Variants in CFAP20DC observed in about 807,000 individuals in gnomAD.
The protein encoded by CFAP20DC is protein CFAP20DC.
Under a neutral mutation model 101.7 loss-of-function variants are expected in CFAP20DC, and 84 were observed. That is an observed-to-expected ratio of 0.83 (90% CI 0.69 to 0.99). The LOEUF is 0.99. CFAP20DC is among the 50% of genes least tolerant of loss of function. The pLI is 0.00. For synonymous variants in CFAP20DC, 359 were observed against 351.2 expected (o/e 1.02, Z -0.25); for missense variants, 1,007 against 970.3 (o/e 1.04, Z -0.50).
intron 4 of CFAP20DC, among the ~76,000 whole-genome samples, chr3:58,947,292 C>A: frequency 6.6e-6 from 1 of 152,198 alleles, no homozygotes; most frequent in East Asian, 1.9e-4. Flanking sequence ...CTGGCAAATG[C>A]ACCAGTGGTA....
chr3:58,739,423 T>C (rs1453816408), downstream of CFAP20DC, among the ~76,000 whole-genome samples: 1 of 152,208 alleles, frequency 6.6e-6, no homozygotes, highest in Non-Finnish European at 1.5e-5. Flanking sequence ...TTTTTTTTAG[T>C]CTCCATTTGC....
At position 58,717,535 on chromosome 3, in the gene CFAP20DC, G is replaced by C. The variant is rs2067413596; in HGVS notation, c.*53C>G. ...TATAGATGCTCAAGGAAGAAGTGAG[G>C]ACCCACACTTCCAGGTTCTTGTCCT... is the stretch of plus-strand genomic sequence containing the variant. On this transcript the variant is annotated 3_prime_UTR_variant, in exon 4 of 4. Transcript: ENST00000486145. The surrounding 1 kb of genome is among the most constrained non-coding windows in gnomAD (Gnocchi z 4.1). 1 of 429,768 alleles carries C rather than the reference G, an allele frequency of 2.3e-6. No individual in the cohort carries two copies. Among genetic ancestry groups the C allele is most frequent in the Non-Finnish European group, 4.6e-6 (1 of 217,906 alleles). The allele number at this position is 429,768 out of a possible 1,614,324, so 26.6% of individuals were successfully genotyped here.
chr3:58,951,711 A>T (rs1249925844), intron 4 of CFAP20DC, among the ~76,000 whole-genome samples: 1 of 151,988 alleles, frequency 6.6e-6, no homozygotes, highest in Non-Finnish European at 1.5e-5. Context: ...GAACAATGAG[A>T]TCACATGGAC....
At chr3:59,045,216 T>C (rs1699753306) in intron 3 of CFAP20DC, among the ~76,000 whole-genome samples, 1 of 152,034 alleles carries the variant, frequency 6.6e-6, no homozygotes, top group South Asian at 2.1e-4. Context: ...AATATGCATG[T>C]AGTAGCTTGA....
intron 4 of CFAP20DC, among the ~76,000 whole-genome samples, chr3:58,980,544 G>T (rs2092487746): frequency 6.6e-6 from 1 of 152,122 alleles, no homozygotes; most frequent in Non-Finnish European, 1.5e-5. Flanking sequence ...TGCAAGGCTG[G>T]TTCAATATAC....
intron 4 of CFAP20DC, among the ~76,000 whole-genome samples, chr3:59,021,249 A>T (rs1384484146): frequency 6.6e-6 from 1 of 152,142 alleles, no homozygotes; most frequent in Non-Finnish European, 1.5e-5. Context: ...AGTATCATTA[A>T]GACAACCTTA....
intron 5 of CFAP20DC, among the ~76,000 whole-genome samples, chr3:58,921,789 A>G (rs1205496647): frequency 6.6e-6 from 1 of 152,136 alleles, no homozygotes; most frequent in Non-Finnish European, 1.5e-5. Context: ...ATTTCTGAGG[A>G]AGGAGTCTTG....
At chr3:58,806,726 G>T (rs1328047706) in intron 14 of CFAP20DC, among the ~76,000 whole-genome samples, 1 of 152,230 alleles carries the variant, frequency 6.6e-6, no homozygotes, top group African/African-American at 2.4e-5. Flanking sequence ...GCAGGACAGT[G>T]GGTGCAGCGC....
At chr3:58,743,153 G>A (rs937577771) in intron 16 of CFAP20DC, among the ~76,000 whole-genome samples, 8 of 152,104 alleles carry the variant, frequency 5.3e-5, no homozygotes, top group African/African-American at 1.9e-4. Context: ...CAGTGTTTTG[G>A]GGATAGAACA....
chr3:58,940,289 G>T (rs2088354712), intron 4 of CFAP20DC, among the ~76,000 whole-genome samples: 1 of 152,326 alleles, frequency 6.6e-6, no homozygotes, highest in South Asian at 2.1e-4. Flanking sequence ...GCAAAAGGCA[G>T]GTGAATTTTC....
chr3:58,962,670 C>T (rs534773350), intron 4 of CFAP20DC, among the ~76,000 whole-genome samples: 1 of 152,228 alleles, frequency 6.6e-6, no homozygotes, highest in African/African-American at 2.4e-5. Flanking sequence ...ATCTATGCAT[C>T]GATTATGGGA....
chr3:58,804,563 A>C (rs1431201237), intron 15 of CFAP20DC, among the ~76,000 whole-genome samples: 1 of 152,044 alleles, frequency 6.6e-6, no homozygotes, highest in Non-Finnish European at 1.5e-5. Flanking sequence ...TGGTTTCACC[A>C]TGTTGGCTAG....
intron 16 of CFAP20DC, among the ~76,000 whole-genome samples, chr3:58,750,748 T>C (rs2068508207): frequency 6.6e-6 from 1 of 152,214 alleles, no homozygotes. Context: ...GGCAGGATTC[T>C]GAGATCCTAA....
At chr3:58,950,450 C>A (rs2089968299) in intron 4 of CFAP20DC, among the ~76,000 whole-genome samples, 2 of 152,276 alleles carry the variant, frequency 1.3e-5, no homozygotes, top group East Asian at 3.9e-4. Flanking sequence ...CCTGCATTGC[C>A]AAGTCAATCC....
Position 58,864,319 on chromosome 3 carries a change from A to G in CFAP20DC, c.1259-427T>C, listed in dbSNP as rs1414565897. Among the ~76,000 whole-genome samples, 1 of 152,230 alleles carries G rather than the reference A, an allele frequency of 6.6e-6. No homozygotes were observed. The highest frequency in any genetic ancestry group is 1.9e-4 in the East Asian group (1 of 5,192). The stretch of plus-strand genomic sequence containing the variant: ...TCTTGTTGTTGAAACAGATTTATCA[A>G]ATAACGCAAAGCAAAGGAAGGCAAT... On this transcript the variant is annotated intron_variant, in intron 11 of 16. Transcript: ENST00000482387. This position sits in a 1 kb window ranked among gnomAD's most constrained non-coding sequence, Gnocchi z 4.7.
chr3:58,888,276 T>C (rs2081835038), intron 6 of CFAP20DC, among the ~76,000 whole-genome samples: 1 of 152,262 alleles, frequency 6.6e-6, no homozygotes. Flanking sequence ...ATTGAGGCTC[T>C]ACTATGTGCC....
intron 4 of CFAP20DC, among the ~76,000 whole-genome samples, chr3:58,951,107 G>GAC (rs2090052519): frequency 1.3e-5 from 2 of 152,164 alleles, no homozygotes; most frequent in South Asian, 4.1e-4. Flanking sequence ...GATATGAACA[G>GAC]ACACTTCTCA....
chr3:58,735,271 C>T (rs2067725700), intron 3 of CFAP20DC, among the ~76,000 whole-genome samples: 1 of 152,156 alleles, frequency 6.6e-6, no homozygotes, highest in Admixed American at 6.5e-5. Flanking sequence ...AATCTGACAC[C>T]TGGGAACGAA....
In CFAP20DC at chr3:58,799,470, C is replaced by T. The variant is rs73837965; in HGVS notation, c.2237+6925G>A. On this transcript the variant is annotated intron_variant, in intron 15 of 16. Coordinates refer to ENST00000482387, the MANE Select transcript of CFAP20DC (RefSeq NM_001394063.1). The surrounding 1 kb of genome is among the most constrained non-coding windows in gnomAD (Gnocchi z 4.9). Reference sequence around the variant, plus strand: ...AGAGAAGTATACAGGTGCTCATGGGCTCCAGCTAGTGGAATACACAGTGAC... The same window carrying T: ...AGAGAAGTATACAGGTGCTCATGGGTTCCAGCTAGTGGAATACACAGTGAC... Among the ~76,000 whole-genome samples, 823 of 152,284 alleles carry T rather than the reference C, an allele frequency of 5.4e-3. 9 individuals carry two copies. The highest frequency in any genetic ancestry group is 0.019 in the African/African-American group (777 of 41,544).
Sources: gnomAD v4.1 joint callset for allele counts (sites outside exome capture counted in the v4.1 genomes callset) on GRCh38, gnomAD v4.1.1 for gene constraint, Gnocchi (gnomAD v3.1) non-coding constraint, MANE v1.5 for transcripts, NCBI Gene and HGNC (gene_info 2026-07-23, HGNC 2026-07-21) for gene names.